The following THBS4 variants were observed in gnomAD, a reference collection of about 807,000 sequenced individuals.
THBS4 encodes the protein thrombospondin 4, also known as thrombospondin-4.
In THBS4, 90 loss-of-function variants were observed where a neutral mutation model predicts 115.7. The observed-to-expected ratio is 0.78, with a 90% CI of 0.66 to 0.93. THBS4 has a LOEUF of 0.93. THBS4 is among the 40% of genes least tolerant of loss of function. The probability of loss-of-function intolerance (pLI) is 0.00; values close to 1 mark genes in which losing one functional copy is unlikely to be tolerated. For missense variants in THBS4, 1,087 were observed against 1,232.7 expected, an observed-to-expected ratio of 0.88 and a Z score of 1.77; for synonymous variants, 460 against 479.3, an observed-to-expected ratio of 0.96 and a Z score of 0.53.
chr5:80,066,612 GA>G, intron 9 of THBS4: 1 of 151,852 alleles, frequency 6.6e-6, no homozygotes, highest in Non-Finnish European at 1.5e-5. Flanking sequence ...TCTCCAAAAA[GA>G]AAAAAAAGAA....
chr5:80,074,683 G>A (rs556507356), intron 15 of THBS4, among the ~76,000 whole-genome samples: 114 of 149,168 alleles, frequency 7.6e-4, no homozygotes, highest in Non-Finnish European at 1.1e-3. Flanking sequence ...GCGTGATCTC[G>A]GCTCACTGCA....
chr5:80,008,914 A>G (rs961639433), intron 2 of THBS4, among the ~76,000 whole-genome samples: 2 of 152,194 alleles, frequency 1.3e-5, no homozygotes, highest in Admixed American at 1.3e-4. Flanking sequence ...TTAGTAGAAA[A>G]CTAACTTGTC....
Position 80,068,032 on chromosome 5 carries a change from C to T in THBS4, c.1254C>T (p.Cys418=). 3 of 1,614,188 alleles carry T rather than the reference C, an allele frequency of 1.9e-6. No homozygotes were observed. The highest frequency in any genetic ancestry group is 2.5e-6 in the Non-Finnish European group (3 of 1,180,032). The change falls in exon 10 of 22, where the codon TGC becomes TGT. Residue 418 remains cysteine (C), a synonymous_variant. Coordinates refer to ENST00000350881, the MANE Select transcript of THBS4 (RefSeq NM_003248.6). ...ATACTGGTGATCAGATAAGGGGATG[C>T]AAAGCGGAAAGAAACTGCAGAAACC... ...PGYTGDQIRG[C]KAERNCRNPE...
At chr5:80,011,876 T>TAA (rs148392672) in intron 2 of THBS4, among the ~76,000 whole-genome samples, 10 of 150,006 alleles carry the variant, frequency 6.7e-5, no homozygotes, top group South Asian at 2.1e-4. Flanking sequence ...TTCTGTTTCT[T>TAA]AAAAAAAAAG....
chr5:80,034,990 G>T (rs1832663215), upstream of THBS4, among the ~76,000 whole-genome samples: 1 of 152,106 alleles, frequency 6.6e-6, no homozygotes, highest in South Asian at 2.1e-4. Flanking sequence ...AGGAGTAGGG[G>T]ACTGAAGGTG....
chr5:80,056,860 T>C (rs1009593496), intron 3 of THBS4, among the ~76,000 whole-genome samples: 3 of 152,244 alleles, frequency 2.0e-5, no homozygotes, highest in African/African-American at 4.8e-5. Context: ...ATATATGCTT[T>C]AGTTACAAGC....
intron 2 of THBS4, among the ~76,000 whole-genome samples, chr5:80,002,745 G>GAAAA (rs56899578): frequency 1.0e-5 from 1 of 100,384 alleles, no homozygotes; most frequent in Admixed American, 1.1e-4. Flanking sequence ...CCAGAAGGGA[G>GAAAA]AAAAAAAAAA....
chr5:80,028,319 C>T (rs928199565), intron 2 of THBS4, among the ~76,000 whole-genome samples: 3 of 152,184 alleles, frequency 2.0e-5, no homozygotes, highest in Non-Finnish European at 4.4e-5. Context: ...CTCCATCAAA[C>T]TGCTTTCAAC....
intron 2 of THBS4, among the ~76,000 whole-genome samples, chr5:80,013,039 A>T (rs1466382247): frequency 6.6e-6 from 1 of 152,206 alleles, no homozygotes; most frequent in Non-Finnish European, 1.5e-5. Flanking sequence ...TCTCAGCTGC[A>T]TATCGGCAAG....
At chr5:80,035,010 A>T (rs186701255), upstream of THBS4, among the ~76,000 whole-genome samples, 166 of 152,238 alleles carry the variant, frequency 1.1e-3, no homozygotes, top group Middle Eastern at 0.01. This position sits in a 1 kb window ranked among gnomAD's most constrained non-coding sequence, Gnocchi z 4.6. Context: ...GCCCAAAGCT[A>T]GTGGGTCAGT....
intron 2 of THBS4, among the ~76,000 whole-genome samples, chr5:80,040,796 G>T (rs755648982): frequency 6.6e-6 from 1 of 152,180 alleles, no homozygotes; most frequent in Non-Finnish European, 1.5e-5. Flanking sequence ...AGTCCTGCAG[G>T]CTGGAAGTTC....
chr5:80,040,189 G>A lies in THBS4; in HGVS notation c.201G>A (p.Gln67=), dbSNP rs766990461. 11 of 1,614,088 alleles carry A rather than the reference G, an allele frequency of 6.8e-6. No homozygotes were observed. The highest frequency in any genetic ancestry group is 7.6e-6 in the Non-Finnish European group (9 of 1,180,032). The change falls in exon 2 of 22, where the codon CAG becomes CAA. Residue 67 remains glutamine, a synonymous_variant. Transcript: ENST00000350881. ...DLYVISTFKL[Q]TKSSATIFGL... Reference sequence around the variant, plus strand: ...ATGTGATTTCCACCTTCAAGCTGCAGACTAAAAGTTCAGCCACCATCTTCG... The same window carrying A: ...ATGTGATTTCCACCTTCAAGCTGCAAACTAAAAGTTCAGCCACCATCTTCG...
chr5:80,009,797 T>G (rs2151153761), intron 2 of THBS4, among the ~76,000 whole-genome samples: 1 of 152,300 alleles, frequency 6.6e-6, no homozygotes, highest in Non-Finnish European at 1.5e-5. Context: ...CTCACTAAAT[T>G]TAGGGGCCAA....
At chr5:80,018,262 A>G (rs1410228473) in intron 2 of THBS4, among the ~76,000 whole-genome samples, 1 of 151,206 alleles carries the variant, frequency 6.6e-6, no homozygotes, top group African/African-American at 2.4e-5. Context: ...ACTATATTTT[A>G]TATGATTTCT....
At chr5:80,062,397 C>T (rs891053849) in intron 8 of THBS4, among the ~76,000 whole-genome samples, 5 of 152,096 alleles carry the variant, frequency 3.3e-5, no homozygotes, top group African/African-American at 1.2e-4. Flanking sequence ...CTGTGAAATT[C>T]TTTTTGATGT....
rs1833181599 is a variant in THBS4, at chr5:80,049,429, G to T, written c.293-6356G>T. Among the ~76,000 whole-genome samples the T allele has an allele frequency of 2.0e-5, 3 of 152,034 alleles. No individual in the cohort carries two copies. The South Asian group carries it at 6.2e-4, about 32-fold the overall frequency. On this transcript the variant is annotated intron_variant, in intron 2 of 21. Transcript: ENST00000350881. ...CGCCCACCTAATTTTTTTTGTTATTGTTGTTATCCTTAGTAGAGATGGGGT... is the reference window on the plus strand; with the variant it reads ...CGCCCACCTAATTTTTTTTGTTATTTTTGTTATCCTTAGTAGAGATGGGGT...
chr5:80,012,202 C>T (rs1457049850), intron 2 of THBS4, among the ~76,000 whole-genome samples: 3 of 152,150 alleles, frequency 2.0e-5, no homozygotes, highest in Non-Finnish European at 4.4e-5. Context: ...TAAGGGCCCA[C>T]TCCCCTTCTT....
chr5:80,036,210 T>C, intron 1 of THBS4: 1 of 985,236 alleles, frequency 1.0e-6, no homozygotes, highest in Non-Finnish European at 1.2e-6. Flanking sequence ...CTGGTCTTTT[T>C]CAATGAAATC....
intron 1 of THBS4, among the ~76,000 whole-genome samples, chr5:79,992,116 G>A (rs146163085): frequency 3.3e-5 from 5 of 152,276 alleles, no homozygotes; most frequent in African/African-American, 9.6e-5. Context: ...CATGTAGCTC[G>A]TCATGTCTGT....
Sources: gnomAD v4.1 joint callset for allele counts (sites outside exome capture counted in the v4.1 genomes callset) on GRCh38, gnomAD v4.1.1 for gene constraint, Gnocchi (gnomAD v3.1) non-coding constraint, MANE v1.5 for transcripts, NCBI Gene and HGNC (gene_info 2026-07-23, HGNC 2026-07-21) for gene names.